The following LITAFD variants were observed in gnomAD, a reference collection of about 807,000 sequenced individuals.
The protein encoded by LITAFD is LITAF domain containing.
intron 1 of LITAFD, 163 bp downstream of exon 1, chr16:8,882,673 CAG>C (rs2141142917): frequency 6.6e-6 from 1 of 152,616 alleles, no homozygotes; most frequent in East Asian, 1.9e-4. Flanking sequence ...CCCCACCAAT[CAG>C]GGGGCCACGG....
At chr16:8,884,367 G>A in exon 3 of LITAFD, 1 of 399,186 alleles carries the variant, frequency 2.5e-6, no homozygotes. Context: ...TGCCGGTGCA[G>A]GCCGTGTGTC....
chr16:8,885,263 C>T lies in LITAFD; in HGVS notation c.187C>T (p.Gln63Ter), dbSNP rs2061560976. The T allele has an allele frequency of 2.5e-6, 1 of 399,144 alleles. No individual in the cohort carries two copies. 24.7% of individuals were successfully genotyped at this position (399,144 alleles called of 1,614,324 possible). ...CGTGAAGCACTCGTGTCCCGTGTGT[C>T]AGCGCGAGCTCTTCTACTACCACCG... The change falls in exon 4 of 4, where the codon CAG becomes TAG. Residue 63 changes from glutamine (Q) to a stop codon, truncating the protein, a stop_gained. Transcript: ENST00000636296. LOFTEE classifies it high-confidence loss of function.
At chr16:8,884,403 G>A (rs753768272) in exon 3 of LITAFD, 11 of 399,154 alleles carry the variant, frequency 2.8e-5, no homozygotes, top group African/African-American at 4.1e-5. Context: ...GCATCATCAC[G>A]GTGACGACCT....
At chr16:8,884,460 G>A (rs1229340219) in exon 3 of LITAFD, 2 of 378,600 alleles carry the variant, frequency 5.3e-6, no homozygotes, top group African/African-American at 2.1e-5. Context: ...CCCTCTTCCT[G>A]TTCGGGTGAG....
chr16:8,884,575 C>T lies in LITAFD; in HGVS notation c.110+110C>T, dbSNP rs555461785. 162 of 397,678 alleles carry T rather than the reference C, an allele frequency of 4.1e-4. No homozygotes were observed. The East Asian group carries it at 5.7e-3, about 14-fold the overall frequency. The allele number at this position is 397,678 out of a possible 1,614,324, so 24.6% of individuals were successfully genotyped here. On this transcript the variant is annotated intron_variant, in intron 3 of 3. Coordinates refer to ENST00000636296, the Ensembl canonical transcript of LITAFD. ...TTTCGGGGAAAATAGCAGGACCAAG[C>T]ATAGGGGAGGCCAGTTGGGTGGGGC...
At chr16:8,884,258 T>C (rs2061554513) in intron 2 of LITAFD, 65 bp from the exon 3 acceptor site, 3 of 397,280 alleles carry the variant, frequency 7.6e-6, no homozygotes. Context: ...CCCATGGGAA[T>C]TGAGAAGCCA....
At chr16:8,884,923 T>G (rs1443319850) in intron 3 of LITAFD, among the ~76,000 whole-genome samples, 3 of 152,122 alleles carry the variant, frequency 2.0e-5, no homozygotes, top group Non-Finnish European at 2.9e-5. Flanking sequence ...TGTCTCTAAC[T>G]CTATTAAAAA....
chr16:8,884,983 A>T (rs1368788897), intron 3 of LITAFD: 1 of 397,820 alleles, frequency 2.5e-6, no homozygotes, highest in African/African-American at 2.1e-5. Context: ...CCAGCTACTC[A>T]GGAGACTGAG....
At chr16:8,882,379 T>C (rs973182230) in exon 1 of LITAFD, 5 of 152,780 alleles carry the variant, frequency 3.3e-5, no homozygotes, top group African/African-American at 1.2e-4. Flanking sequence ...TCACACCTCC[T>C]GGCAACCGGG....
At chr16:8,884,496 G>T (rs2061556066) in intron 3 of LITAFD, 31 bp downstream of exon 3, 1 of 344,462 alleles carries the variant, frequency 2.9e-6, no homozygotes, top group Non-Finnish European at 5.2e-6. Flanking sequence ...CGCTGCAGAG[G>T]CCTGAGCATT....
At chr16:8,885,097 C>T (rs766580946) in intron 3 of LITAFD, 90 bp from the exon 4 acceptor site, 1 of 399,106 alleles carries the variant, frequency 2.5e-6, no homozygotes, top group Non-Finnish European at 4.4e-6. Flanking sequence ...ACGCCCAGGC[C>T]CCTCCCAGAC....
intron 2 of LITAFD, among the ~76,000 whole-genome samples, chr16:8,883,854 C>T (rs2061552809): frequency 6.6e-6 from 1 of 152,152 alleles, no homozygotes; most frequent in Non-Finnish European, 1.5e-5. Context: ...CGCATGAGGT[C>T]AGGAGTTCAA....
intron 2 of LITAFD, among the ~76,000 whole-genome samples, chr16:8,883,549 A>G (rs1014226034): frequency 6.6e-6 from 1 of 151,912 alleles, no homozygotes; most frequent in African/African-American, 2.4e-5. Context: ...TGTATACAGT[A>G]GGCACTCAGG....
At chr16:8,883,857 G>A (rs1192307578) in intron 2 of LITAFD, among the ~76,000 whole-genome samples, 1 of 152,146 alleles carries the variant, frequency 6.6e-6, no homozygotes, top group African/African-American at 2.4e-5. Flanking sequence ...ATGAGGTCAG[G>A]AGTTCAAGAC....
chr16:8,884,410 A>T (rs1355436758), exon 3 of LITAFD: 1 of 397,742 alleles, frequency 2.5e-6, no homozygotes, highest in African/African-American at 2.1e-5. Flanking sequence ...CACGGTGACG[A>T]CCTTTGTCCC....
chr16:8,883,789 G>T (rs1484569474), intron 2 of LITAFD, among the ~76,000 whole-genome samples: 2 of 152,206 alleles, frequency 1.3e-5, no homozygotes, highest in African/African-American at 2.4e-5. Context: ...TTTAGGTCAG[G>T]TGCGGTGGCT....
chr16:8,884,692 G>A (rs965505852), intron 3 of LITAFD, among the ~76,000 whole-genome samples: 1 of 152,150 alleles, frequency 6.6e-6, no homozygotes, highest in Admixed American at 6.5e-5. Flanking sequence ...TGCCTACAAA[G>A]CAGCCAGCTT....
At position 8,884,361 on chromosome 16, in the gene LITAFD, G is replaced by A. The variant is rs190584052; in HGVS notation, c.6G>A (p.Pro2=). The change falls in exon 3 of 4, where the codon CCG becomes CCA. Residue 2 remains proline (P), a synonymous_variant. Coordinates refer to ENST00000636296, the Ensembl canonical transcript of LITAFD. The stretch of plus-strand genomic sequence containing the variant: ...TGTCCGTGGTGGGGACGTCCATGCC[G>A]GTGCAGGCCGTGTGTCCCTACTGTG... 1.2e-3 allele frequency: 490 copies of A among 399,196 alleles called. 7 individuals carry two copies. The Admixed American group carries it at 0.017, about 14-fold the overall frequency. The allele number at this position is 399,196 out of a possible 1,614,324, so 24.7% of individuals were successfully genotyped here.
At chr16:8,885,289 C>T (rs112773706) in exon 4 of LITAFD, 9,699 of 399,164 alleles carry the variant, frequency 0.024, 163 homozygotes, top group Non-Finnish European at 0.03. Context: ...ACTACCACCG[C>T]CTGTGAGCCC....
Sources: allele counts gnomAD v4.1 joint callset (sites outside exome capture counted in the v4.1 genomes callset), GRCh38; gene constraint gnomAD v4.1.1; transcripts MANE v1.5; gene names NCBI Gene and HGNC (gene_info 2026-07-23, HGNC 2026-07-21).